PDE6B: variants seen among roughly 807,000 people sequenced by gnomAD.
PDE6B encodes rod cGMP-specific 3',5'-cyclic phosphodiesterase subunit beta.
Under a neutral mutation model 109.0 loss-of-function variants are expected in PDE6B, and 106 were observed. That is an observed-to-expected ratio of 0.97 (90% CI 0.83 to 1.14). PDE6B has a LOEUF of 1.14. PDE6B is among the 50% of genes most tolerant of loss of function. The probability of loss-of-function intolerance (pLI) is 0.00; values close to 1 mark genes in which losing one functional copy is unlikely to be tolerated. For synonymous variants in PDE6B, 490 were observed against 471.3 expected (o/e 1.04, Z -0.51); for missense variants, 1,193 against 1,155.6 (o/e 1.03, Z -0.47).
intron 21 of PDE6B, among the ~76,000 whole-genome samples, chr4:668,566 C>T (rs1231659100): frequency 2.3e-5 from 3 of 131,808 alleles, no homozygotes; most frequent in East Asian, 2.2e-4. Context: ...ATTCCCCTAC[C>T]CCATGCTAGT....
At chr4:664,508 A>C (rs896466271) in intron 17 of PDE6B, among the ~76,000 whole-genome samples, 2 of 152,110 alleles carry the variant, frequency 1.3e-5, no homozygotes, top group African/African-American at 2.4e-5. Context: ...ATGGTGATTC[A>C]CAACCAGCCC....
rs75817171 is a variant in PDE6B at position 647,596 on chromosome 4, G to T, written c.712-6256G>T. Among the ~76,000 whole-genome samples, 599 of 152,070 alleles carry T rather than the reference G, an allele frequency of 3.9e-3. 3 individuals carry two copies. Among genetic ancestry groups the T allele is most frequent in the Non-Finnish European group, 6.6e-3 (449 of 68,010 alleles). On this transcript the variant is annotated intron_variant, in intron 3 of 21. Coordinates refer to ENST00000496514, the MANE Select transcript of PDE6B (RefSeq NM_000283.4). ...TCTCTCCCTGGCTTGCTGTGTCCTCGTCCCATAAGGGCACGTCTCGTAGGG... is the reference window on the plus strand; with the variant it reads ...TCTCTCCCTGGCTTGCTGTGTCCTCTTCCCATAAGGGCACGTCTCGTAGGG...
chr4:659,502 CGTGTGTGTGCATGTAG>C (rs1212395476), intron 11 of PDE6B, among the ~76,000 whole-genome samples: 1 of 149,166 alleles, frequency 6.7e-6, no homozygotes. Context: ...CAAGTGTGTA[CGTGTGTGTGCATGTAG>C]GTGTGTGTGC....
chr4:651,311 G>GGCGA (rs1398106141), intron 3 of PDE6B, among the ~76,000 whole-genome samples: 2 of 152,066 alleles, frequency 1.3e-5, no homozygotes, highest in African/African-American at 4.8e-5. Flanking sequence ...GGGCTGACCC[G>GGCGA]TGGGGTCAGA....
At position 625,803 on chromosome 4, in the gene PDE6B, G is replaced by A. The variant is rs1464711872; in HGVS notation, c.177G>A (p.Leu59=). 3 of 1,613,310 alleles carry A rather than the reference G, an allele frequency of 1.9e-6. No homozygotes were observed. The highest frequency in any genetic ancestry group is 2.5e-6 in the Non-Finnish European group (3 of 1,179,946). Residue 59 remains leucine (L), a synonymous_variant, in exon 1 of 22, where the codon CTG becomes CTA. Coordinates refer to ENST00000496514, the MANE Select transcript of PDE6B (RefSeq NM_000283.4). The surrounding 1 kb of genome is among the most constrained non-coding windows in gnomAD (Gnocchi z 5.0). ...GCCAGGTGGAGGAGAGCACGGCGCT[G>A]CTGGAGCTGGTGCAGGATATGCAGG... ...DLCQVEESTA[L]LELVQDMQES... is the part of the protein sequence containing the mutation.
At chr4:644,447 G>A (rs1735101742) in intron 3 of PDE6B, among the ~76,000 whole-genome samples, 1 of 152,010 alleles carries the variant, frequency 6.6e-6, no homozygotes, top group Admixed American at 6.6e-5. Context: ...GTGACCTTGA[G>A]AAGAATGGGT....
In PDE6B at chr4:657,306, C is replaced by T. The variant is rs774200348; in HGVS notation, c.1258-45C>T. 124 of 1,608,450 alleles carry T rather than the reference C, an allele frequency of 7.7e-5. No individual in the cohort carries two copies. In the Admixed American group the frequency reaches 1.2e-3, roughly 16 times the overall value. On this transcript the variant is annotated intron_variant, in intron 9 of 21. Transcript: ENST00000496514. Reference sequence around the variant, plus strand: ...TGGCACACAGGCACATGGGAGGGGGCGCGCCGGGAGCGCTGAGCGCCAGTG... The same window carrying T: ...TGGCACACAGGCACATGGGAGGGGGTGCGCCGGGAGCGCTGAGCGCCAGTG...
intron 3 of PDE6B, among the ~76,000 whole-genome samples, chr4:644,213 C>T (rs1735091964): frequency 6.6e-6 from 1 of 151,488 alleles, no homozygotes; most frequent in Non-Finnish European, 1.5e-5. Flanking sequence ...CACCGTGCCC[C>T]TAGTTCAAAA....
chr4:644,785 C>A (rs551151375), intron 3 of PDE6B, among the ~76,000 whole-genome samples: 1 of 152,166 alleles, frequency 6.6e-6, no homozygotes, highest in Non-Finnish European at 1.5e-5. Flanking sequence ...CCACCTCGGC[C>A]TCCCAAAGTG....
At chr4:641,439 C>T (rs1203699402) in intron 3 of PDE6B, among the ~76,000 whole-genome samples, 3 of 152,220 alleles carry the variant, frequency 2.0e-5, no homozygotes, top group Non-Finnish European at 2.9e-5. Flanking sequence ...TCAGGCTGGG[C>T]AGGGGGTCCC....
chr4:662,635 GGGCA>G lies in PDE6B; in HGVS notation c.1832+18_1832+21del. ...CCAGATGAAGTAGGCACCTCAGGGC[GGGCA>G]TGTGAATTAGCCCTAAATCAACTCC... On this transcript the variant is annotated intron_variant, in intron 14 of 21. Coordinates refer to ENST00000496514, the MANE Select transcript of PDE6B (RefSeq NM_000283.4). This position sits in a 1 kb window ranked among gnomAD's most constrained non-coding sequence, Gnocchi z 4.3. 6.8e-7 allele frequency: 1 copy of G among 1,475,464 alleles called. No individual in the cohort carries two copies. Among genetic ancestry groups the G allele is most frequent in the Non-Finnish European group, 9.5e-7 (1 of 1,054,076 alleles). 91.4% of individuals were successfully genotyped at this position (1,475,464 alleles called of 1,614,324 possible). A position where few individuals can be genotyped will look rare whatever the true frequency, so the allele number is the denominator to read the frequency against.
intron 11 of PDE6B, among the ~76,000 whole-genome samples, chr4:659,651 CAT>C (rs1287025915): frequency 2.1e-4 from 31 of 150,076 alleles, no homozygotes; most frequent in African/African-American, 4.7e-4. Context: ...TGTGTGTGCA[CAT>C]GTGTGCCCAC....
At position 656,935 on chromosome 4, in the gene PDE6B, AC is replaced by A. The variant is rs1263488603; in HGVS notation, c.1170del (p.Asn390LysfsTer32). ...IKNVLSMPIV[N>X]KKEEIVGVAT... ...AATGTGCTGTCCATGCCCATCGTCA[AC>A]AAGAAGGAGGAGATTGTGGGAGTCG... On this transcript the variant is annotated frameshift_variant, in exon 9 of 22. Transcript: ENST00000496514. LOFTEE classifies it high-confidence loss of function. 1 of 1,613,020 alleles carries A rather than the reference AC, an allele frequency of 6.2e-7. No individual in the cohort carries two copies. The highest frequency in any genetic ancestry group is 1.3e-5 in the African/African-American group (1 of 74,932).
intron 1 of PDE6B, among the ~76,000 whole-genome samples, chr4:631,355 C>T (rs575813724): frequency 5.3e-4 from 81 of 152,342 alleles, no homozygotes; most frequent in African/African-American, 1.8e-3. Flanking sequence ...CATTGATCAA[C>T]CATAGCCTGT....
At chr4:630,224 G>A (rs1209039478) in intron 1 of PDE6B, among the ~76,000 whole-genome samples, 1 of 152,088 alleles carries the variant, frequency 6.6e-6, no homozygotes, top group East Asian at 1.9e-4. Context: ...GAGGCCGAGG[G>A]ATCCATCCCT....
At chr4:628,973 C>T (rs997476112) in intron 1 of PDE6B, among the ~76,000 whole-genome samples, 4 of 152,242 alleles carry the variant, frequency 2.6e-5, no homozygotes, top group African/African-American at 9.6e-5. Flanking sequence ...CTTCCTGGAG[C>T]CTGGCCCAGG....
chr4:660,737 C>A (rs755948191), intron 12 of PDE6B, 124 bp downstream of exon 12: 8 of 825,828 alleles, frequency 9.7e-6, no homozygotes, highest in Admixed American at 2.0e-5. Flanking sequence ...GTTCCAGATC[C>A]CACAGGAAGT....
Position 665,480 on chromosome 4 carries a change from G to T in PDE6B, c.2268+151G>T. 1.4e-6 allele frequency: 1 copy of T among 704,030 alleles called. No individual in the cohort carries two copies. Among genetic ancestry groups the T allele is most frequent in the East Asian group, 2.7e-5 (1 of 36,610 alleles). 43.6% of individuals were successfully genotyped at this position (704,030 alleles called of 1,614,324 possible). A position where few individuals can be genotyped will look rare whatever the true frequency, so the allele number is the denominator to read the frequency against. The stretch of plus-strand genomic sequence containing the variant: ...CACTTTGTGGGATCATGTGACATGC[G>T]TGTGGGTGGCTCGGACCTGGGTACA... On this transcript the variant is annotated intron_variant, in intron 19 of 21. Transcript: ENST00000496514. This position sits in a 1 kb window ranked among gnomAD's most constrained non-coding sequence, Gnocchi z 4.0.
chr4:644,251 G>A (rs1004156743), intron 3 of PDE6B, among the ~76,000 whole-genome samples: 1 of 151,838 alleles, frequency 6.6e-6, no homozygotes, highest in African/African-American at 2.4e-5. Flanking sequence ...TCAGACTCTG[G>A]CCCATCTGTT....
Sources: allele counts gnomAD v4.1 joint callset (sites outside exome capture counted in the v4.1 genomes callset), GRCh38; gene constraint gnomAD v4.1.1; non-coding constraint Gnocchi (gnomAD v3.1); transcripts MANE v1.5; gene names NCBI Gene and HGNC (gene_info 2026-07-23, HGNC 2026-07-21).